The following GRAMD1B variants were observed in gnomAD, a reference collection of about 807,000 sequenced individuals.
GRAMD1B encodes the protein protein Aster-B.
A neutral mutation model predicts 99.7 loss-of-function variants in GRAMD1B; 37 were observed. The observed-to-expected ratio is 0.37, with a 90% CI of 0.29 to 0.49. The LOEUF (loss-of-function observed/expected upper bound fraction) is 0.49. Ranked by LOEUF, GRAMD1B falls within the 20% of genes least tolerant of loss-of-function variation. The pLI, the probability that GRAMD1B is intolerant of heterozygous loss-of-function variation, is 0.98. For missense variants in GRAMD1B, 888 were observed against 1,009.2 expected (o/e 0.88, Z 1.63); for synonymous variants, 427 against 387.6 (o/e 1.10, Z -1.19).
At chr11:123,603,305 T>C in intron 8 of GRAMD1B, 121 bp from the exon 9 acceptor site, 1 of 654,082 alleles carries the variant, frequency 1.5e-6, no homozygotes, top group East Asian at 2.7e-5. Context: ...TCGCCTCTCA[T>C]TCAGCTAAGG....
intron 2 of GRAMD1B, among the ~76,000 whole-genome samples, chr11:123,483,498 C>T (rs1033627362): frequency 1.3e-5 from 2 of 151,440 alleles, no homozygotes; most frequent in African/African-American, 2.4e-5. Flanking sequence ...GTGATTTTCC[C>T]ACCTTAGCCT....
chr11:123,486,850 C>G (rs1937865476), intron 2 of GRAMD1B, among the ~76,000 whole-genome samples: 1 of 152,138 alleles, frequency 6.6e-6, no homozygotes, highest in African/African-American at 2.4e-5. Flanking sequence ...GGGGTGGATC[C>G]CTTTGAGGCC....
intron 2 of GRAMD1B, among the ~76,000 whole-genome samples, chr11:123,568,374 G>A (rs1259691526): frequency 2.6e-5 from 4 of 152,242 alleles, no homozygotes; most frequent in South Asian, 2.1e-4. Context: ...CCAGTGGTCT[G>A]AACCCGGCAA....
At chr11:123,598,327 T>C in intron 7 of GRAMD1B, 1 of 1,205,272 alleles carries the variant, frequency 8.3e-7, no homozygotes, top group South Asian at 1.2e-5. Context: ...TTGTAAATGA[T>C]CTCGTTCTCT....
intron 2 of GRAMD1B, among the ~76,000 whole-genome samples, chr11:123,528,676 G>A (rs1021826929): frequency 6.6e-6 from 1 of 152,050 alleles, no homozygotes; most frequent in African/African-American, 2.4e-5. Context: ...GTGTAATGCC[G>A]TGCTAGACAC....
chr11:123,573,731 G>A (rs72645487), intron 2 of GRAMD1B, among the ~76,000 whole-genome samples: 8,350 of 152,142 alleles, frequency 0.055, 346 homozygotes, highest in East Asian at 0.16. Flanking sequence ...ATAAGTACTC[G>A]GTGCTGCACC....
chr11:123,359,522 T>A (rs1946067786), intron 1 of GRAMD1B, among the ~76,000 whole-genome samples: 1 of 152,090 alleles, frequency 6.6e-6, no homozygotes. Flanking sequence ...GCCAACCTCA[T>A]GCCTGGATAA....
rs1940868147 is a variant in GRAMD1B at position 123,510,347 on chromosome 11, C to T, written c.452+29454C>T. Among the ~76,000 whole-genome samples the T allele has an allele frequency of 6.6e-6, 1 of 152,130 alleles. No homozygotes were observed. Among genetic ancestry groups the T allele is most frequent in the Non-Finnish European group, 1.5e-5 (1 of 68,030 alleles). On this transcript the variant is annotated intron_variant, in intron 2 of 19. Transcript: ENST00000635736. This position sits in a 1 kb window ranked among gnomAD's most constrained non-coding sequence, Gnocchi z 4.3. ...AGGCCTCCGTCTTTGTGCCCTCTCC[C>T]TCTCAACAGGGGGAGCCTGGGAAGA...
chr11:123,546,753 G>A (rs868369770), intron 2 of GRAMD1B, among the ~76,000 whole-genome samples: 1 of 152,248 alleles, frequency 6.6e-6, no homozygotes, highest in Non-Finnish European at 1.5e-5. Flanking sequence ...CCTCCAGGGC[G>A]TGTCTGTGGA....
chr11:123,523,213 TC>T (rs964615078), intron 2 of GRAMD1B, among the ~76,000 whole-genome samples: 1 of 152,104 alleles, frequency 6.6e-6, no homozygotes, highest in African/African-American at 2.4e-5. Flanking sequence ...GTGCCTGTAA[TC>T]CCAGCTACTC....
At chr11:123,524,729 G>A (rs950110282) in intron 2 of GRAMD1B, among the ~76,000 whole-genome samples, 1 of 152,186 alleles carries the variant, frequency 6.6e-6, no homozygotes, top group African/African-American at 2.4e-5. Flanking sequence ...TTGTTTTATG[G>A]GCAAATTTTA....
chr11:123,367,901 A>T (rs1370011863), intron 1 of GRAMD1B, among the ~76,000 whole-genome samples: 3 of 152,056 alleles, frequency 2.0e-5, no homozygotes, highest in Non-Finnish European at 4.4e-5. Flanking sequence ...CAGATCTGAG[A>T]GTTAAAGAAT....
At chr11:123,438,169 T>A (rs949142662) in intron 1 of GRAMD1B, among the ~76,000 whole-genome samples, 1 of 152,164 alleles carries the variant, frequency 6.6e-6, no homozygotes, top group African/African-American at 2.4e-5. Flanking sequence ...TTAAATACAT[T>A]ATCACATTAA....
chr11:123,411,192 G>T (rs1948038185), intron 1 of GRAMD1B, among the ~76,000 whole-genome samples: 1 of 151,880 alleles, frequency 6.6e-6, no homozygotes, highest in African/African-American at 2.4e-5. Context: ...ATTTAGTAGA[G>T]ACGGTATTTC....
chr11:123,376,470 G>A (rs111932229), intron 1 of GRAMD1B, among the ~76,000 whole-genome samples: 126 of 152,288 alleles, frequency 8.3e-4, no homozygotes, highest in African/African-American at 2.8e-3. Context: ...TAATGGAGAT[G>A]GGGTCAGTGA....
chr11:123,372,912 G>A (rs1946574467), intron 1 of GRAMD1B, among the ~76,000 whole-genome samples: 2 of 151,990 alleles, frequency 1.3e-5, no homozygotes, highest in Non-Finnish European at 2.9e-5. Context: ...GGCTGAGTTG[G>A]GTAGATCACT....
chr11:123,568,521 A>G (rs940666704), intron 2 of GRAMD1B, among the ~76,000 whole-genome samples: 1 of 152,226 alleles, frequency 6.6e-6, no homozygotes, highest in Non-Finnish European at 1.5e-5. Flanking sequence ...AGGGGACAAG[A>G]GGTTCATTTC....
chr11:123,483,473 G>C (rs1951725286), intron 2 of GRAMD1B, among the ~76,000 whole-genome samples: 1 of 147,688 alleles, frequency 6.8e-6, no homozygotes, highest in African/African-American at 2.5e-5. Context: ...TCCAACCTCT[G>C]CCTCTAGGGT....
intron 1 of GRAMD1B, among the ~76,000 whole-genome samples, chr11:123,480,169 G>A (rs1951511709): frequency 6.6e-6 from 1 of 152,162 alleles, no homozygotes; most frequent in East Asian, 1.9e-4. Flanking sequence ...CTGAACTAAA[G>A]CTGTGTAATT....
Sources: allele counts gnomAD v4.1 joint callset (sites outside exome capture counted in the v4.1 genomes callset), GRCh38; gene constraint gnomAD v4.1.1; non-coding constraint Gnocchi (gnomAD v3.1); transcripts MANE v1.5; gene names NCBI Gene and HGNC (gene_info 2026-07-23, HGNC 2026-07-21).